The following AVEN variants were observed in gnomAD, a reference collection of about 807,000 sequenced individuals.
AVEN encodes cell death regulator Aven.
In AVEN, 41 loss-of-function variants were observed where a neutral mutation model predicts 38.1. That is an observed-to-expected ratio of 1.08 (90% CI 0.84 to 1.40). AVEN has a LOEUF of 1.40. Ranked by LOEUF, AVEN falls within the 40% of genes most tolerant of loss-of-function variation. The pLI is 0.00. For synonymous variants in AVEN, 206 were observed against 171.8 expected (o/e 1.20, Z -1.56); for missense variants, 605 against 438.8 (o/e 1.38, Z -3.38).
At chr15:33,878,703 T>TTAGATA (rs2153037136) in intron 2 of AVEN, among the ~76,000 whole-genome samples, 1 of 152,288 alleles carries the variant, frequency 6.6e-6, no homozygotes, top group South Asian at 2.1e-4. Flanking sequence ...AAAGAATACG[T>TTAGATA]ATTAATCTAA....
chr15:33,961,289 G>GT (rs2140470301), intron 2 of AVEN, among the ~76,000 whole-genome samples: 1 of 152,232 alleles, frequency 6.6e-6, no homozygotes, highest in East Asian at 1.9e-4. Context: ...GATTACAGGC[G>GT]TGAGCCACCA....
intron 2 of AVEN, among the ~76,000 whole-genome samples, chr15:34,001,275 G>T (rs980122530): frequency 6.6e-6 from 1 of 152,152 alleles, no homozygotes; most frequent in Admixed American, 6.5e-5. Context: ...ACCTGCCTCG[G>T]CCTCCCAAAG....
Position 34,038,892 on chromosome 15 carries a change from C to T in AVEN, c.155G>A (p.Gly52Asp), listed in dbSNP as rs1899310731. The T allele has an allele frequency of 8.8e-7, 1 of 1,134,042 alleles. No individual in the cohort carries two copies. The highest frequency in any genetic ancestry group is 4.1e-5 in the South Asian group (1 of 24,134). 70.2% of individuals were successfully genotyped at this position (1,134,042 alleles called of 1,614,324 possible). A position where few individuals can be genotyped will look rare whatever the true frequency, so the allele number is the denominator to read the frequency against. The change falls in exon 1 of 6, where the codon GGC (glycine) becomes GAC (aspartate). Residue 52 changes from glycine (G) to aspartate (D), a missense_variant. Gly to Asp is a moderately conservative substitution (Grantham distance 94). Coordinates refer to ENST00000306730, the MANE Select transcript of AVEN (RefSeq NM_020371.3). ...GCGGAAGCCCCGGCCACGGCCACGGCCCCGGCGTCCGCCTCCGTCCCCGCC... is the reference window on the plus strand; with the variant it reads ...GCGGAAGCCCCGGCCACGGCCACGGTCCCGGCGTCCGCCTCCGTCCCCGCC... ...GGGGDGGGRR[G>D]RGRGRGFRGA...
At chr15:33,854,667 C>G, downstream of AVEN, 3 of 1,466,306 alleles carry the variant, frequency 2.0e-6, no homozygotes, top group East Asian at 6.8e-5. Flanking sequence ...CCTAAACCCC[C>G]TCTATCCTCA....
At chr15:33,901,878 CTAACAGTTCT>C (rs113796706) in intron 2 of AVEN, among the ~76,000 whole-genome samples, 133,738 of 152,016 alleles carry the variant, frequency 0.88, 60,402 homozygotes, top group Non-Finnish European at 0.98. Flanking sequence ...CCACTGAGTT[CTAACAGTTCT>C]TAAAATTTCT....
chr15:33,978,433 G>A (rs1484166914), intron 2 of AVEN, among the ~76,000 whole-genome samples: 1 of 152,220 alleles, frequency 6.6e-6, no homozygotes, highest in Non-Finnish European at 1.5e-5. Flanking sequence ...GGAGCCCGAG[G>A]TGGGAGGATC....
intron 2 of AVEN, among the ~76,000 whole-genome samples, chr15:34,068,813 A>T (rs867026176): frequency 9.5e-5 from 13 of 136,494 alleles, no homozygotes; most frequent in Non-Finnish European, 9.2e-5. Flanking sequence ...CTACAATCCA[A>T]TTTTTTTTTT....
At chr15:33,905,871 C>T (rs188502264) in intron 2 of AVEN, among the ~76,000 whole-genome samples, 41 of 151,678 alleles carry the variant, frequency 2.7e-4, no homozygotes, top group African/African-American at 9.0e-4. Context: ...GACACCCACC[C>T]AATTCAACCA....
rs1597380021 is a variant in AVEN, at chr15:34,039,003, G to GGCCGCCGCCCACGGCCTC, written c.26_43dup (p.Arg14_Pro15insArgGlyArgGlyArgArg). 3.6e-6 allele frequency: 4 copies of GGCCGCCGCCCACGGCCTC among 1,121,162 alleles called. No individual in the cohort carries two copies. Among genetic ancestry groups the GGCCGCCGCCCACGGCCTC allele is most frequent in the East Asian group, 1.1e-4 (2 of 17,698 alleles). The allele number at this position is 1,121,162 out of a possible 1,614,324, so 69.5% of individuals were successfully genotyped here. On this transcript the variant is annotated inframe_insertion, in exon 1 of 6. Transcript: ENST00000306730. ...ATCTCCGCCAGGCCGGCCGCGGCCT[G>GGCCGCCGCCCACGGCCTC]GCCGCCGCCCACGGCCTCCCCGAGC...
At chr15:33,860,710 G>A in intron 11 of AVEN, 1 of 1,311,844 alleles carries the variant, frequency 7.6e-7, no homozygotes, top group Non-Finnish European at 1.1e-6. Flanking sequence ...ATCCCCAGAA[G>A]CAAATAGATT....
At chr15:34,073,973 C>CTTTT (rs200288533) in intron 1 of AVEN, among the ~76,000 whole-genome samples, 1 of 102,850 alleles carries the variant, frequency 9.7e-6, no homozygotes, top group African/African-American at 4.7e-5. Flanking sequence ...GAGGAACTTT[C>CTTTT]TTTTTTCTTC....
At chr15:33,923,199 C>A (rs568923075) in intron 2 of AVEN, among the ~76,000 whole-genome samples, 1 of 152,096 alleles carries the variant, frequency 6.6e-6, no homozygotes, top group South Asian at 2.1e-4. Context: ...ATGAAACAAC[C>A]TTATTAGGTA....
downstream of AVEN, among the ~76,000 whole-genome samples, chr15:33,862,122 A>T (rs1888470543): frequency 6.6e-6 from 1 of 152,054 alleles, no homozygotes; most frequent in African/African-American, 2.4e-5. Context: ...AGACCCTGTA[A>T]CTGTTCATTT....
At chr15:33,872,666 T>C (rs769732542) in intron 3 of AVEN, among the ~76,000 whole-genome samples, 4 of 152,186 alleles carry the variant, frequency 2.6e-5, no homozygotes, top group Non-Finnish European at 5.9e-5. Flanking sequence ...GCCAGTATAT[T>C]GCCCAAGGAA....
chr15:34,056,759 G>A (rs183174487), intron 5 of AVEN, among the ~76,000 whole-genome samples: 92 of 152,262 alleles, frequency 6.0e-4, no homozygotes, highest in African/African-American at 2.1e-3. Context: ...CAGGTGTGAT[G>A]TAATCCCAGC....
chr15:34,037,759 T>C (rs62017050), intron 1 of AVEN, among the ~76,000 whole-genome samples: 11 of 152,180 alleles, frequency 7.2e-5, no homozygotes, highest in Admixed American at 2.0e-4. Context: ...ATTTAAGTTT[T>C]ATACTTTTTT....
chr15:33,879,459 G>T (rs1012165764), intron 2 of AVEN, among the ~76,000 whole-genome samples: 1 of 150,406 alleles, frequency 6.6e-6, no homozygotes, highest in African/African-American at 2.4e-5. Context: ...GCTAAATGAC[G>T]AGTTAATGGG....
chr15:33,894,819 AAAATAAT>A (rs1892156703), intron 2 of AVEN, among the ~76,000 whole-genome samples: 1 of 15,782 alleles, frequency 6.3e-5, no homozygotes, highest in East Asian at 5.6e-3. Context: ...CAAAAAAAAA[AAAATAAT>A]AACAATAATA....
the AVEN span, chr15:33,852,952 T>A: frequency 9.2e-7 from 1 of 1,086,600 alleles, no homozygotes; most frequent in Non-Finnish European, 1.4e-6. Context: ...ACCAGAAAGA[T>A]CCCAGATCCA....
Sources: gnomAD v4.1 joint callset for allele counts (sites outside exome capture counted in the v4.1 genomes callset) on GRCh38, gnomAD v4.1.1 for gene constraint, MANE v1.5 for transcripts, NCBI Gene and HGNC (gene_info 2026-07-23, HGNC 2026-07-21) for gene names.